PREX1: variants seen among roughly 807,000 people sequenced by gnomAD.
PREX1 encodes phosphatidylinositol-3,4,5-trisphosphate dependent Rac exchange factor 1.
PREX1 carries 41 observed loss-of-function variants against 198.3 expected under a neutral mutation model. That is an observed-to-expected ratio of 0.21 (90% confidence interval 0.16 to 0.27). The LOEUF is 0.27. PREX1 is among the 10% of genes least tolerant of loss of function. PREX1 has a pLI of 1.00. For missense variants in PREX1, 1,620 were observed against 2,200.7 expected, an observed-to-expected ratio of 0.74 and a Z score of 5.28; for synonymous variants, 843 against 887.2, an observed-to-expected ratio of 0.95 and a Z score of 0.89.
At chr20:48,823,398 G>C (rs980146497) in intron 1 of PREX1, among the ~76,000 whole-genome samples, 1 of 152,182 alleles carries the variant, frequency 6.6e-6, no homozygotes, top group Non-Finnish European at 1.5e-5. Context: ...CTAGGGGAGT[G>C]GGGGGCAAGC....
the PREX1 span, among the ~76,000 whole-genome samples, chr20:48,834,172 A>T: frequency 6.6e-6 from 1 of 152,170 alleles, no homozygotes; most frequent in African/African-American, 2.4e-5. Context: ...CCTAAGGTTT[A>T]TAACGTGAAG....
intron 4 of PREX1, among the ~76,000 whole-genome samples, chr20:48,730,228 C>A (rs2090028685): frequency 7.4e-6 from 1 of 135,604 alleles, no homozygotes. Flanking sequence ...GCACTTCTAC[C>A]CAGATACTAA....
the PREX1 span, among the ~76,000 whole-genome samples, chr20:48,844,866 A>C: frequency 6.6e-6 from 1 of 152,176 alleles, no homozygotes; most frequent in African/African-American, 2.4e-5. Flanking sequence ...TTGTATGGTA[A>C]AACTTCCAGA....
At chr20:48,796,305 TAAAA>T (rs869122867) in intron 1 of PREX1, among the ~76,000 whole-genome samples, 1 of 134,122 alleles carries the variant, frequency 7.5e-6, no homozygotes, top group Non-Finnish European at 1.6e-5. Flanking sequence ...TAATAATAAT[TAAAA>T]AAAAAAAAAA....
intron 18 of PREX1, 68 bp downstream of exon 18, chr20:48,656,972 C>T: frequency 6.6e-7 from 1 of 1,514,698 alleles, no homozygotes; most frequent in Non-Finnish European, 8.9e-7. Flanking sequence ...GTTCATGCCA[C>T]CCCAGCCCTC....
In PREX1 at chr20:48,745,145, G is replaced by T. The variant is rs1312541929; in HGVS notation, c.294C>A (p.Val98=). The change falls in exon 3 of 40, where the codon GTC becomes GTA. Residue 98 remains valine, a splice_region_variant and synonymous_variant. Coordinates refer to ENST00000371941, the MANE Select transcript of PREX1 (RefSeq NM_020820.4). The stretch of plus-strand genomic sequence containing the variant: ...GGATGTCTTCGATGTTCGAGAACAG[G>T]ACCTGTGAGGAAAAGAGAGGCCAGA... ...EKGLTEENVK[V]LFSNIEDILE... is the part of the protein sequence containing the mutation. The T allele has an allele frequency of 1.2e-6, 2 of 1,613,494 alleles. No homozygotes were observed. Among genetic ancestry groups the T allele is most frequent in the Admixed American group, 1.7e-5 (1 of 60,000 alleles).
intron 11 of PREX1, 62 bp from the exon 12 acceptor site, chr20:48,679,816 C>A: frequency 7.4e-7 from 1 of 1,354,438 alleles, no homozygotes. Flanking sequence ...CAGCCACGCC[C>A]CCCAGCATTG....
intron 36 of PREX1, among the ~76,000 whole-genome samples, chr20:48,630,483 G>A (rs2089304982): frequency 6.6e-6 from 1 of 152,256 alleles, no homozygotes. Flanking sequence ...AAATGCTGTG[G>A]TTAATAAGGC....
At chr20:48,630,665 T>C (rs1260852438) in intron 36 of PREX1, 63 bp downstream of exon 36, 4 of 1,436,084 alleles carry the variant, frequency 2.8e-6, no homozygotes, top group African/African-American at 2.8e-5. Context: ...GTCTGCTGAG[T>C]CCTGACTCCT....
upstream of PREX1, among the ~76,000 whole-genome samples, chr20:48,828,790 G>A (rs1317504979): frequency 2.0e-5 from 3 of 152,148 alleles, no homozygotes; most frequent in East Asian, 5.8e-4. Context: ...TGATCAAGTG[G>A]CAGGTACCCT....
chr20:48,673,416 C>A (rs553345285), intron 14 of PREX1, among the ~76,000 whole-genome samples: 1 of 152,336 alleles, frequency 6.6e-6, no homozygotes, highest in African/African-American at 2.4e-5. Flanking sequence ...CGTGAGCCAA[C>A]CCACCCTGAG....
At chr20:48,651,672 C>A in intron 21 of PREX1, 89 bp from the exon 22 acceptor site, 10 of 1,304,908 alleles carry the variant, frequency 7.7e-6, no homozygotes, top group Non-Finnish European at 1.0e-5. Flanking sequence ...GCCTTCCAGG[C>A]AGTGGGAACA....
At chr20:48,649,664 G>T in intron 24 of PREX1, 88 bp from the exon 25 acceptor site, 1 of 1,412,074 alleles carries the variant, frequency 7.1e-7, no homozygotes, top group Non-Finnish European at 9.5e-7. Flanking sequence ...CCATTTCAAG[G>T]ATCCCAATGA....
intron 1 of PREX1, among the ~76,000 whole-genome samples, chr20:48,824,205 T>A (rs2090499437): frequency 6.6e-6 from 1 of 152,122 alleles, no homozygotes; most frequent in Non-Finnish European, 1.5e-5. Flanking sequence ...TGCCTTTTCA[T>A]GATTATTTAA....
intron 7 of PREX1, among the ~76,000 whole-genome samples, chr20:48,700,154 T>A (rs1339572390): frequency 1.3e-5 from 2 of 152,218 alleles, no homozygotes; most frequent in Non-Finnish European, 2.9e-5. Flanking sequence ...ACAAAGAAGG[T>A]GAAGAAACTA....
chr20:48,870,387 A>C, the PREX1 span, among the ~76,000 whole-genome samples: 1 of 152,164 alleles, frequency 6.6e-6, no homozygotes, highest in Non-Finnish European at 1.5e-5. Context: ...GACTCGCCTC[A>C]AGTTGCCCAG....
intron 1 of PREX1, among the ~76,000 whole-genome samples, chr20:48,783,775 G>A (rs926812993): frequency 2.6e-5 from 4 of 152,166 alleles, no homozygotes; most frequent in African/African-American, 9.7e-5. Flanking sequence ...TGTTTCTTCA[G>A]TATCCACTTC....
chr20:48,724,729 C>T (rs2122694420), intron 5 of PREX1, among the ~76,000 whole-genome samples: 1 of 152,376 alleles, frequency 6.6e-6, no homozygotes, highest in South Asian at 2.1e-4. Flanking sequence ...CTGTCTCTAA[C>T]CACTACAGTA....
At chr20:48,862,059 A>T in the PREX1 span, among the ~76,000 whole-genome samples, 1 of 152,116 alleles carries the variant, frequency 6.6e-6, no homozygotes, top group East Asian at 1.9e-4. Flanking sequence ...AAAATACAAA[A>T]GTTAGACAAG....
Sources: allele counts gnomAD v4.1 joint callset (sites outside exome capture counted in the v4.1 genomes callset), GRCh38; gene constraint gnomAD v4.1.1; transcripts MANE v1.5; gene names NCBI Gene and HGNC (gene_info 2026-07-23, HGNC 2026-07-21).